The following EFCAB14 variants were observed in gnomAD, a reference collection of about 807,000 sequenced individuals.
EFCAB14 encodes EF-hand calcium binding domain 14, also known as EF-hand calcium-binding domain-containing protein 14.
A neutral mutation model predicts 56.5 loss-of-function variants in EFCAB14; 43 were observed. The ratio of observed to expected loss-of-function variants is 0.76; its 90% CI spans 0.60 to 0.98. The LOEUF (loss-of-function observed/expected upper bound fraction) is 0.98. EFCAB14 is among the 50% of genes least tolerant of loss of function. The pLI, the probability that EFCAB14 is intolerant of heterozygous loss-of-function variation, is 0.00. For synonymous variants in EFCAB14, 235 were observed against 212.9 expected (o/e 1.10, Z -0.90); for missense variants, 538 against 580.3 (o/e 0.93, Z 0.75).
In EFCAB14 at chr1:46,676,311, C is replaced by T; in HGVS notation, c.*2150G>A. 1 of 152,220 alleles carries T rather than the reference C, an allele frequency of 6.6e-6. No homozygotes were observed. The allele number at this position is 152,220 out of a possible 1,614,324, so 9.4% of individuals were successfully genotyped here. A position where few individuals can be genotyped will look rare whatever the true frequency, so the allele number is the denominator to read the frequency against. Reference sequence around the variant, plus strand: ...AGGGGTGATACTAGTCAGACAAGCACAAGGTAGGAAGAACAGAAGATAAAC... The same window carrying T: ...AGGGGTGATACTAGTCAGACAAGCATAAGGTAGGAAGAACAGAAGATAAAC... On this transcript the variant is annotated 3_prime_UTR_variant, in exon 11 of 11. Coordinates refer to ENST00000371933, the MANE Select transcript of EFCAB14 (RefSeq NM_014774.3).
At chr1:46,709,109 T>G (rs1677272957) in intron 2 of EFCAB14, among the ~76,000 whole-genome samples, 1 of 152,240 alleles carries the variant, frequency 6.6e-6, no homozygotes, top group Non-Finnish European at 1.5e-5. Flanking sequence ...TTTGTTCATG[T>G]GCTATTTTGT....
intron 2 of EFCAB14, among the ~76,000 whole-genome samples, chr1:46,712,601 A>G (rs1677326221): frequency 6.6e-6 from 1 of 152,230 alleles, no homozygotes; most frequent in African/African-American, 2.4e-5. Context: ...AAATAAAATC[A>G]AGAAGTTCTG....
intron 4 of EFCAB14, among the ~76,000 whole-genome samples, chr1:46,693,192 T>C (rs1311726966): frequency 6.6e-6 from 1 of 152,166 alleles, no homozygotes; most frequent in East Asian, 1.9e-4. Flanking sequence ...GGAGATATAA[T>C]TCAGAAGCCA....
intron 4 of EFCAB14, among the ~76,000 whole-genome samples, chr1:46,692,774 T>C (rs994625563): frequency 2.6e-5 from 4 of 152,370 alleles, no homozygotes; most frequent in Admixed American, 1.3e-4. Flanking sequence ...CAAACTATGA[T>C]TACATGTAGT....
intron 8 of EFCAB14, 48 bp downstream of exon 8, chr1:46,686,736 A>G (rs931928176): frequency 6.4e-7 from 1 of 1,568,032 alleles, no homozygotes; most frequent in Admixed American, 1.7e-5. Flanking sequence ...AAGCACAGAG[A>G]TGCTGCTGCA....
At chr1:46,709,253 T>C (rs1284529900) in intron 2 of EFCAB14, among the ~76,000 whole-genome samples, 1 of 152,214 alleles carries the variant, frequency 6.6e-6, no homozygotes, top group Admixed American at 6.5e-5. Context: ...TTCTCATCAC[T>C]TTACCTACCT....
chr1:46,694,086 A>T (rs1351283269), intron 4 of EFCAB14, among the ~76,000 whole-genome samples: 2 of 152,260 alleles, frequency 1.3e-5, no homozygotes, highest in Non-Finnish European at 2.9e-5. Context: ...TTCAAGATGG[A>T]TTAAATACTT....
intron 1 of EFCAB14, among the ~76,000 whole-genome samples, chr1:46,716,704 G>A (rs11211345): frequency 3.4e-3 from 513 of 152,286 alleles, no homozygotes; most frequent in Non-Finnish European, 4.7e-3. Flanking sequence ...AGGCACTGCA[G>A]CTGTCATTAT....
At chr1:46,699,724 T>C (rs149928359) in intron 3 of EFCAB14, among the ~76,000 whole-genome samples, 1 of 152,350 alleles carries the variant, frequency 6.6e-6, no homozygotes, top group East Asian at 1.9e-4. Flanking sequence ...AAAATATGTC[T>C]ACAAATTCTT....
At chr1:46,696,502 C>A (rs1245694134) in intron 4 of EFCAB14, 49 bp downstream of exon 4, 1 of 1,547,350 alleles carries the variant, frequency 6.5e-7, no homozygotes, top group African/African-American at 1.4e-5. Context: ...ATAGTACCCA[C>A]ACATGGCACC....
intron 5 of EFCAB14, among the ~76,000 whole-genome samples, chr1:46,691,126 G>A (rs1676984252): frequency 6.6e-6 from 1 of 152,218 alleles, no homozygotes; most frequent in African/African-American, 2.4e-5. Context: ...TACATCTGCA[G>A]CAGCACTAAG....
Position 46,717,869 on chromosome 1 carries a change from C to G in EFCAB14, c.185+34G>C, listed in dbSNP as rs1478590281. 8.1e-6 allele frequency: 13 copies of G among 1,599,300 alleles called. No homozygotes were observed. The South Asian group carries it at 1.4e-4, about 18-fold the overall frequency. ...GGCCCCTTGGTAGTGCAAGGAGATG[C>G]CTTCTTCCCATTCCACCTTTCACCA... is the stretch of plus-strand genomic sequence containing the variant. On this transcript the variant is annotated intron_variant, in intron 1 of 10. Transcript: ENST00000371933.
At chr1:46,693,670 T>A (rs1677033598) in intron 4 of EFCAB14, among the ~76,000 whole-genome samples, 1 of 152,086 alleles carries the variant, frequency 6.6e-6, no homozygotes, top group Admixed American at 6.5e-5. Flanking sequence ...CAGAAGATAG[T>A]AAGCTCTTGT....
intron 3 of EFCAB14, among the ~76,000 whole-genome samples, chr1:46,706,981 A>G (rs1444801238): frequency 2.0e-5 from 3 of 152,124 alleles, no homozygotes; most frequent in African/African-American, 7.2e-5. Flanking sequence ...GCCCCACACT[A>G]TTTATCATTG....
At chr1:46,697,597 G>A (rs1677094666) in intron 3 of EFCAB14, among the ~76,000 whole-genome samples, 1 of 152,110 alleles carries the variant, frequency 6.6e-6, no homozygotes, top group African/African-American at 2.4e-5. Flanking sequence ...ACTTGTTATG[G>A]GCCAAGCACA....
At chr1:46,716,232 G>A (rs1677387236) in intron 2 of EFCAB14, 63 bp downstream of exon 2, 6 of 1,451,734 alleles carry the variant, frequency 4.1e-6, no homozygotes, top group Admixed American at 2.9e-5. Flanking sequence ...CTAGGCGACA[G>A]AGCAAGACCC....
At position 46,678,533 on chromosome 1, in the gene EFCAB14, G is replaced by A. The variant is rs1487034036; in HGVS notation, c.1416C>T (p.Ser472=). The A allele has an allele frequency of 5.0e-6, 8 of 1,614,162 alleles. No homozygotes were observed. In the East Asian group the frequency reaches 6.7e-5, roughly 13 times the overall value. ...CTCCATCGGAATCAAATGCTCTCAA[G>A]CTCTCTGGTTCTGGCATAGCAGAAC... is the stretch of plus-strand genomic sequence containing the variant. ...SLGSAMPEPE[S]LRAFDSDGDG... is the part of the protein sequence containing the mutation. The change falls in exon 11 of 11, where the codon AGC becomes AGT. Residue 472 remains serine (S), a synonymous_variant. Transcript: ENST00000371933.
chr1:46,692,533 A>G (rs1022884266), intron 4 of EFCAB14, among the ~76,000 whole-genome samples: 4 of 152,192 alleles, frequency 2.6e-5, no homozygotes, highest in Admixed American at 2.6e-4. Context: ...ACTTGTTAAA[A>G]AACTGCCCAA....
rs373324884 is a variant in EFCAB14, at chr1:46,676,608, C to G, written c.*1853G>C. 87 of 152,390 alleles carry G rather than the reference C, an allele frequency of 5.7e-4. No homozygotes were observed. Among genetic ancestry groups the G allele is most frequent in the African/African-American group, 2.0e-3 (84 of 41,398 alleles). The allele number at this position is 152,390 out of a possible 1,614,324, so 9.4% of individuals were successfully genotyped here. ...GAATTTTATTTGGTTGTTAGAAAAT[C>G]TGTAAGGGTGTATATATATTAAAAA... On this transcript the variant is annotated 3_prime_UTR_variant, in exon 11 of 11. Coordinates refer to ENST00000371933, the MANE Select transcript of EFCAB14 (RefSeq NM_014774.3).
Sources: gnomAD v4.1 joint callset for allele counts (sites outside exome capture counted in the v4.1 genomes callset) on GRCh38, gnomAD v4.1.1 for gene constraint, MANE v1.5 for transcripts, NCBI Gene and HGNC (gene_info 2026-07-23, HGNC 2026-07-21) for gene names.